CDH12: variants seen among roughly 807,000 people sequenced by gnomAD.
The protein encoded by CDH12 is cadherin-12.
In CDH12, 41 loss-of-function variants were observed where a neutral mutation model predicts 74.1. The ratio of observed to expected loss-of-function variants is 0.55; its 90% CI spans 0.43 to 0.72. The LOEUF is 0.72. Among genes scored for constraint, CDH12 ranks in the 30% least tolerant of loss-of-function variants. The probability of loss-of-function intolerance (pLI) is 0.00; values close to 1 mark genes in which losing one functional copy is unlikely to be tolerated. For synonymous variants in CDH12, 399 were observed against 355.0 expected (o/e 1.12, Z -1.39); for missense variants, 945 against 977.2 (o/e 0.97, Z 0.44).
chr5:21,805,386 T>C (rs1294429493), intron 9 of CDH12, among the ~76,000 whole-genome samples: 1 of 152,158 alleles, frequency 6.6e-6, no homozygotes, highest in East Asian at 1.9e-4. Flanking sequence ...AGAGATGAGA[T>C]GTATTCCATG....
chr5:22,336,808 C>T (rs1476803719), intron 3 of CDH12, among the ~76,000 whole-genome samples: 1 of 152,212 alleles, frequency 6.6e-6, no homozygotes, highest in Non-Finnish European at 1.5e-5. Flanking sequence ...GTCGGAGCCC[C>T]CACACAGAGT....
At chr5:22,057,249 G>A (rs1285983496) in intron 5 of CDH12, among the ~76,000 whole-genome samples, 1 of 152,118 alleles carries the variant, frequency 6.6e-6, no homozygotes, top group Non-Finnish European at 1.5e-5. Flanking sequence ...AGAGGCAGCA[G>A]GCTGAACTTA....
chr5:22,455,585 A>G (rs1745231771), intron 2 of CDH12, among the ~76,000 whole-genome samples: 1 of 152,184 alleles, frequency 6.6e-6, no homozygotes, highest in South Asian at 2.1e-4. Flanking sequence ...GAAAATGTCA[A>G]TTACAGAAAT....
At chr5:22,409,553 T>TAA (rs1743094094) in intron 2 of CDH12, among the ~76,000 whole-genome samples, 1 of 152,098 alleles carries the variant, frequency 6.6e-6, no homozygotes, top group African/African-American at 2.4e-5. Flanking sequence ...TCTAGAGTCA[T>TAA]AATACTTTTC....
intron 3 of CDH12, among the ~76,000 whole-genome samples, chr5:22,231,683 C>G (rs996217677): frequency 6.6e-6 from 1 of 151,876 alleles, no homozygotes; most frequent in Non-Finnish European, 1.5e-5. Context: ...ATAAATTATA[C>G]TCTTCATGGG....
At chr5:22,403,805 T>G (rs1437177973) in intron 3 of CDH12, among the ~76,000 whole-genome samples, 1 of 152,166 alleles carries the variant, frequency 6.6e-6, no homozygotes, top group African/African-American at 2.4e-5. Context: ...ATTTCAGGCT[T>G]AGATATCTGC....
chr5:22,198,172 C>G (rs1351809723), intron 4 of CDH12, among the ~76,000 whole-genome samples: 1 of 152,118 alleles, frequency 6.6e-6, no homozygotes, highest in African/African-American at 2.4e-5. Context: ...TATGTAATTA[C>G]CATCTGTGTC....
At chr5:22,412,646 TAA>T (rs1050353943) in intron 2 of CDH12, among the ~76,000 whole-genome samples, 2 of 151,898 alleles carry the variant, frequency 1.3e-5, no homozygotes, top group Non-Finnish European at 1.5e-5. Flanking sequence ...GTGGCAGAGT[TAA>T]GTGAAGAAAA....
chr5:22,354,695 T>C (rs572132059), intron 3 of CDH12, among the ~76,000 whole-genome samples: 2 of 152,132 alleles, frequency 1.3e-5, no homozygotes, highest in Non-Finnish European at 2.9e-5. Context: ...GGCAGTGCTC[T>C]CAAATGAATT....
chr5:21,808,853 T>C (rs1043846872), intron 9 of CDH12, among the ~76,000 whole-genome samples: 1 of 152,084 alleles, frequency 6.6e-6, no homozygotes, highest in Non-Finnish European at 1.5e-5. Context: ...AAGTTGCCAC[T>C]ATATCAGGTG....
chr5:22,224,400 T>C (rs1752123365), intron 3 of CDH12, among the ~76,000 whole-genome samples: 1 of 150,000 alleles, frequency 6.7e-6, no homozygotes, highest in Non-Finnish European at 1.5e-5. Context: ...AAGAATCAGG[T>C]GCATCCTGCA....
At chr5:22,375,848 T>A (rs1580581320) in intron 3 of CDH12, among the ~76,000 whole-genome samples, 1 of 20,958 alleles carries the variant, frequency 4.8e-5, no homozygotes, top group Non-Finnish European at 8.5e-5. Flanking sequence ...AAAAGGGAAC[T>A]CATACACTTA....
intron 11 of CDH12, among the ~76,000 whole-genome samples, chr5:21,768,001 G>A (rs746171739): frequency 1.3e-5 from 2 of 151,662 alleles, no homozygotes; most frequent in Admixed American, 6.6e-5. Context: ...ATTTGGGGCA[G>A]CAACGATGAA....
chr5:22,365,127 G>A (rs570396474), intron 3 of CDH12, among the ~76,000 whole-genome samples: 50 of 152,206 alleles, frequency 3.3e-4, no homozygotes, highest in African/African-American at 1.2e-3. Context: ...CAGATTTGGT[G>A]CATTTCTCTC....
At chr5:21,888,884 T>G (rs1401690262) in intron 6 of CDH12, among the ~76,000 whole-genome samples, 1 of 152,178 alleles carries the variant, frequency 6.6e-6, no homozygotes, top group African/African-American at 2.4e-5. Context: ...TTATTAATGC[T>G]ACTCCAGTTG....
chr5:22,695,440 C>G (rs1449008757), intron 1 of CDH12, among the ~76,000 whole-genome samples: 1 of 152,020 alleles, frequency 6.6e-6, no homozygotes, highest in Non-Finnish European at 1.5e-5. Context: ...ACCGATGGAA[C>G]AGAGACATCA....
intron 4 of CDH12, among the ~76,000 whole-genome samples, chr5:22,167,480 G>T (rs1484124694): frequency 1.3e-5 from 2 of 152,112 alleles, no homozygotes; most frequent in Non-Finnish European, 2.9e-5. Context: ...AACTTTAAAA[G>T]CTTTGATTTT....
At chr5:22,390,538 T>C (rs1580598266) in intron 3 of CDH12, among the ~76,000 whole-genome samples, 2 of 152,042 alleles carry the variant, frequency 1.3e-5, no homozygotes, top group East Asian at 3.9e-4. Flanking sequence ...ATATTACTTT[T>C]CAAATTCCAA....
chr5:22,491,209 C>T (rs1342164756), intron 2 of CDH12, among the ~76,000 whole-genome samples: 1 of 152,072 alleles, frequency 6.6e-6, no homozygotes, highest in Non-Finnish European at 1.5e-5. Flanking sequence ...CATGTGTACC[C>T]GATGTTTAGT....
Sources: allele counts gnomAD v4.1 joint callset (sites outside exome capture counted in the v4.1 genomes callset), GRCh38; gene constraint gnomAD v4.1.1; transcripts MANE v1.5; gene names NCBI Gene and HGNC (gene_info 2026-07-23, HGNC 2026-07-21).